TBC1D22A: variants seen among roughly 807,000 people sequenced by gnomAD.
TBC1D22A encodes putative GTPase activator.
Under a neutral mutation model 60.2 loss-of-function variants are expected in TBC1D22A, and 38 were observed. The ratio of observed to expected loss-of-function variants is 0.63; its 90% CI spans 0.49 to 0.83. TBC1D22A has a LOEUF of 0.83. Among genes scored for constraint, TBC1D22A ranks in the 40% least tolerant of loss-of-function variants. The pLI, the probability that TBC1D22A is intolerant of heterozygous loss-of-function variation, is 0.00. For missense variants in TBC1D22A, 628 were observed against 701.0 expected, an observed-to-expected ratio of 0.90 and a Z score of 1.18; for synonymous variants, 302 against 281.7, an observed-to-expected ratio of 1.07 and a Z score of -0.72.
intron 11 of TBC1D22A, among the ~76,000 whole-genome samples, chr22:47,086,630 A>G (rs1446432891): frequency 2.6e-5 from 4 of 152,194 alleles, no homozygotes; most frequent in Non-Finnish European, 5.9e-5. Flanking sequence ...TGTATACGCG[A>G]TAGTATTTTA....
chr22:47,144,597 C>A (rs946198884), intron 12 of TBC1D22A, among the ~76,000 whole-genome samples: 3 of 152,260 alleles, frequency 2.0e-5, no homozygotes, highest in Admixed American at 2.0e-4. Context: ...CACTCAGGGG[C>A]TCTCCAGAGT....
chr22:46,781,436 G>A (rs1277299737), intron 1 of TBC1D22A, among the ~76,000 whole-genome samples: 5 of 152,104 alleles, frequency 3.3e-5, no homozygotes, highest in African/African-American at 9.7e-5. Context: ...TTGGCCTCCC[G>A]AAGTGCTGGG....
intron 12 of TBC1D22A, among the ~76,000 whole-genome samples, chr22:47,155,089 G>A (rs925774110): frequency 5.3e-5 from 8 of 152,168 alleles, no homozygotes; most frequent in African/African-American, 1.7e-4. Flanking sequence ...TCCTCTGTGT[G>A]TTGATCAGAA....
chr22:47,144,150 C>CTT (rs1224136008), intron 12 of TBC1D22A, among the ~76,000 whole-genome samples: 1 of 152,194 alleles, frequency 6.6e-6, no homozygotes, highest in African/African-American at 2.4e-5. Context: ...CAAAATATCA[C>CTT]TGTCTCTCTA....
intron 1 of TBC1D22A, among the ~76,000 whole-genome samples, chr22:46,772,769 C>G (rs938960098): frequency 6.6e-6 from 1 of 151,210 alleles, no homozygotes; most frequent in Non-Finnish European, 1.5e-5. Context: ...GCTTCAGCCT[C>G]CTGAGTAGCT....
chr22:46,837,302 A>C (rs1471222163), intron 4 of TBC1D22A, among the ~76,000 whole-genome samples: 1 of 152,212 alleles, frequency 6.6e-6, no homozygotes, highest in Non-Finnish European at 1.5e-5. Flanking sequence ...ATAATAAGGG[A>C]TTTCAGTACT....
intron 11 of TBC1D22A, among the ~76,000 whole-genome samples, chr22:47,079,979 A>G (rs1164562426): frequency 6.6e-6 from 1 of 152,232 alleles, no homozygotes; most frequent in Non-Finnish European, 1.5e-5. Flanking sequence ...GGCTACATTA[A>G]TATCAAATTA....
intron 4 of TBC1D22A, among the ~76,000 whole-genome samples, chr22:46,855,805 C>T (rs1448053124): frequency 6.6e-6 from 1 of 152,194 alleles, no homozygotes; most frequent in Non-Finnish European, 1.5e-5. Flanking sequence ...TTCTTCTATG[C>T]TTCTGTGCGT....
Position 46,793,797 on chromosome 22 carries a change from G to T in TBC1D22A, c.416G>T (p.Arg139Leu). The T allele has an allele frequency of 6.3e-7, 1 of 1,597,506 alleles. No individual in the cohort carries two copies. The highest frequency in any genetic ancestry group is 8.5e-7 in the Non-Finnish European group (1 of 1,172,694). Residue 139 changes from arginine (R) to leucine (L), a missense_variant, in exon 3 of 13, where the codon CGG becomes CTG. Arg to Leu is a moderately radical substitution (Grantham distance 102, BLOSUM62 -2). Coordinates refer to ENST00000337137, the MANE Select transcript of TBC1D22A (RefSeq NM_014346.5). ...CCCTCACCCCCCAGCGGCGACCTCC[G>T]GCTGGTGAAGTCGGTCAGTGAGAGC... ...EPPSPPSGDL[R>L]LVKSVSESHT...
chr22:46,879,902 A>G (rs1196389453), intron 5 of TBC1D22A, among the ~76,000 whole-genome samples: 4 of 152,194 alleles, frequency 2.6e-5, no homozygotes, highest in South Asian at 2.1e-4. Context: ...TGTGTGTAGC[A>G]CAGGGGTTGA....
At position 46,762,771 on chromosome 22, in the gene TBC1D22A, G is replaced by C. The variant is rs2083143002; in HGVS notation, c.-16G>C. ...CGGGGTGTCTGGGCCGCGGGTCTGA[G>C]GGATGAGGAGGGGCCATGGCCAGCG... On this transcript the variant is annotated 5_prime_UTR_variant, in exon 1 of 13. Transcript: ENST00000337137. 7.0e-7 allele frequency: 1 copy of C among 1,436,228 alleles called. No homozygotes were observed. The highest frequency in any genetic ancestry group is 3.7e-5 in the Admixed American group (1 of 26,944). The allele number at this position is 1,436,228 out of a possible 1,614,324, so 89.0% of individuals were successfully genotyped here.
intron 12 of TBC1D22A, among the ~76,000 whole-genome samples, chr22:47,157,378 C>T (rs1399069390): frequency 6.6e-6 from 1 of 152,200 alleles, no homozygotes; most frequent in Non-Finnish European, 1.5e-5. Context: ...ACTCTGACAC[C>T]GCACACGTTA....
In TBC1D22A at chr22:47,158,744, C is replaced by T. The variant is rs566210559; in HGVS notation, c.1426-14754C>T. Among the ~76,000 whole-genome samples the T allele has an allele frequency of 3.3e-4, 50 of 152,248 alleles. 1 individual carries two copies. The highest frequency in any genetic ancestry group is 2.4e-3 in the Admixed American group (36 of 15,304). ...GAAGGGACAGGGCAGCGGAGCCTCA[C>T]ATCTCAGGAAGATAGCATCATTGGT... On this transcript the variant is annotated intron_variant, in intron 12 of 12. Coordinates refer to ENST00000337137, the MANE Select transcript of TBC1D22A (RefSeq NM_014346.5).
chr22:47,091,045 G>C (rs549498401), intron 11 of TBC1D22A, among the ~76,000 whole-genome samples: 3 of 137,348 alleles, frequency 2.2e-5, no homozygotes, highest in East Asian at 4.6e-4. Flanking sequence ...AGTCGTCTTT[G>C]GGGGGAGTGG....
intron 8 of TBC1D22A, among the ~76,000 whole-genome samples, chr22:46,949,952 G>A (rs957247683): frequency 6.6e-6 from 1 of 152,228 alleles, no homozygotes; most frequent in Admixed American, 6.5e-5. Context: ...TGTCATCTGA[G>A]CAGCAATGAC....
At chr22:46,888,993 C>T (rs529950509) in intron 5 of TBC1D22A, among the ~76,000 whole-genome samples, 6 of 152,300 alleles carry the variant, frequency 3.9e-5, no homozygotes, top group East Asian at 1.9e-4. Context: ...TGTGAGCTAC[C>T]GCGTCTGTCC....
intron 12 of TBC1D22A, among the ~76,000 whole-genome samples, chr22:47,156,350 G>T (rs917914098): frequency 6.6e-6 from 1 of 152,208 alleles, no homozygotes. Context: ...GAGAGACAGG[G>T]TTGTATGGTA....
At chr22:46,846,825 C>G (rs2087018935) in intron 4 of TBC1D22A, among the ~76,000 whole-genome samples, 1 of 152,168 alleles carries the variant, frequency 6.6e-6, no homozygotes, top group Admixed American at 6.5e-5. Flanking sequence ...TTTTCTTTTT[C>G]TTTTCCTTCT....
chr22:46,788,028 C>T (rs1360729283), intron 1 of TBC1D22A, among the ~76,000 whole-genome samples: 1 of 151,270 alleles, frequency 6.6e-6, no homozygotes, highest in Non-Finnish European at 1.5e-5. Context: ...GCTCTGCCTC[C>T]CGGGTTCACA....
Sources: allele counts gnomAD v4.1 joint callset (sites outside exome capture counted in the v4.1 genomes callset), GRCh38; gene constraint gnomAD v4.1.1; transcripts MANE v1.5; gene names NCBI Gene and HGNC (gene_info 2026-07-23, HGNC 2026-07-21).